Variants in SAMD12 observed in about 807,000 individuals in gnomAD.
SAMD12 encodes sterile alpha motif domain containing 12.
Under a neutral mutation model 15.0 loss-of-function variants are expected in SAMD12, and 9 were observed. The ratio of observed to expected loss-of-function variants is 0.60; its 90% CI spans 0.36 to 1.05. The LOEUF (loss-of-function observed/expected upper bound fraction) is 1.05, where lower values mean the gene tolerates loss of function less well. Among genes scored for constraint, SAMD12 ranks in the 50% least tolerant of loss-of-function variants. SAMD12 has a pLI of 0.01. For missense variants in SAMD12, 230 were observed against 234.2 expected (o/e 0.98, Z 0.12); for synonymous variants, 86 against 90.1 (o/e 0.96, Z 0.25).
intron 3 of SAMD12, among the ~76,000 whole-genome samples, chr8:118,405,019 A>T (rs1821059649): frequency 6.6e-6 from 1 of 152,118 alleles, no homozygotes; most frequent in Non-Finnish European, 1.5e-5. Context: ...ATTCATCTTA[A>T]AACTGTCTTA....
intron 2 of SAMD12, among the ~76,000 whole-genome samples, chr8:118,541,826 C>T (rs1315701626): frequency 1.3e-5 from 2 of 152,146 alleles, no homozygotes; most frequent in South Asian, 4.1e-4. Flanking sequence ...TGTGTTAACT[C>T]ATGTTGACTT....
chr8:118,224,208 A>C (rs1812139221), intron 4 of SAMD12, among the ~76,000 whole-genome samples: 1 of 152,168 alleles, frequency 6.6e-6, no homozygotes, highest in East Asian at 1.9e-4. Flanking sequence ...CACTGGTTGC[A>C]GGCTTTGGAA....
chr8:118,365,223 A>G (rs770425181), intron 4 of SAMD12, among the ~76,000 whole-genome samples: 11 of 152,130 alleles, frequency 7.2e-5, no homozygotes, highest in African/African-American at 1.2e-4. Flanking sequence ...CTCCTGGAAC[A>G]CACCAAACTT....
chr8:118,475,636 G>A (rs190230963), intron 2 of SAMD12, among the ~76,000 whole-genome samples: 6 of 152,194 alleles, frequency 3.9e-5, no homozygotes, highest in East Asian at 3.8e-4. Flanking sequence ...TCTGTACTCC[G>A]TGGTCTACTG....
chr8:118,325,960 T>C (rs1816544638), intron 4 of SAMD12, among the ~76,000 whole-genome samples: 1 of 152,146 alleles, frequency 6.6e-6, no homozygotes, highest in Non-Finnish European at 1.5e-5. Flanking sequence ...TTGGAAACAT[T>C]TTGCCAGCGC....
At chr8:118,191,791 TATATATATATATATATATATAGAG>T (rs1563686503) in exon 5 of SAMD12, 13 of 55,494 alleles carry the variant, frequency 2.3e-4, no homozygotes, top group African/African-American at 4.4e-4. Context: ...TATATATATA[TATATATATATATATATATATAGAG>T]AGAGAGAGAG....
chr8:118,304,543 A>T (rs1235333622), intron 4 of SAMD12, among the ~76,000 whole-genome samples: 1 of 151,598 alleles, frequency 6.6e-6, no homozygotes, highest in South Asian at 2.1e-4. Context: ...GTGGATCATG[A>T]GGTCAGGAGA....
chr8:118,521,763 C>T (rs1825394887), intron 2 of SAMD12, among the ~76,000 whole-genome samples: 1 of 152,150 alleles, frequency 6.6e-6, no homozygotes, highest in Non-Finnish European at 1.5e-5. Context: ...AAGCTTCTTT[C>T]TTCCCAGGTA....
chr8:118,173,998 T>G, the SAMD12 span, among the ~76,000 whole-genome samples: 960 of 152,280 alleles, frequency 6.3e-3, 17 homozygotes, highest in African/African-American at 0.021. Context: ...TTAAATAATA[T>G]TTTAGATGGA....
chr8:118,429,212 G>A (rs868441266), intron 3 of SAMD12, among the ~76,000 whole-genome samples: 1 of 152,122 alleles, frequency 6.6e-6, no homozygotes, highest in Non-Finnish European at 1.5e-5. Flanking sequence ...ATTAGTTCTT[G>A]TAGGATTTTT....
chr8:118,348,252 A>G (rs1396509849), intron 4 of SAMD12, among the ~76,000 whole-genome samples: 1 of 151,858 alleles, frequency 6.6e-6, no homozygotes, highest in African/African-American at 2.4e-5. Flanking sequence ...AAATTTTTGT[A>G]GAGACAGGGT....
rs142836541 is a variant in SAMD12, at chr8:118,244,222, G to A, written c.434-46490C>T. ...TTTAACTTTCCAAAAAACCCTTTGA[G>A]ATGGGTATTCTTGTTATCAATATTA... On this transcript the variant is annotated intron_variant, in intron 4 of 4. Coordinates refer to the SAMD12 transcript ENST00000409003. Among the ~76,000 whole-genome samples, 1,282 of 152,268 alleles carry A rather than the reference G, an allele frequency of 8.4e-3. 27 individuals carry two copies. Among genetic ancestry groups the A allele is most frequent in the African/African-American group, 0.029 (1,211 of 41,562 alleles).
At chr8:118,608,509 T>C (rs867148744) in intron 1 of SAMD12, among the ~76,000 whole-genome samples, 2 of 152,086 alleles carry the variant, frequency 1.3e-5, no homozygotes, top group Non-Finnish European at 2.9e-5. Flanking sequence ...ATCTGTGTTT[T>C]GTTTTTGTTT....
chr8:118,355,337 G>A (rs1213028396), intron 4 of SAMD12, among the ~76,000 whole-genome samples: 1 of 152,222 alleles, frequency 6.6e-6, no homozygotes, highest in Non-Finnish European at 1.5e-5. Context: ...GCTAAGCTAT[G>A]AGGATGCAAA....
the SAMD12 span, among the ~76,000 whole-genome samples, chr8:118,159,292 CA>C: frequency 6.6e-6 from 1 of 152,168 alleles, no homozygotes; most frequent in Non-Finnish European, 1.5e-5. Flanking sequence ...ACACCTAGTC[CA>C]GTTGCAGCCT....
rs566609906 is a variant in SAMD12, at chr8:118,356,510, A to G, written c.433+23050T>C. Among the ~76,000 whole-genome samples the G allele has an allele frequency of 2.8e-4, 43 of 152,278 alleles. 1 individual carries two copies. In the South Asian group the frequency reaches 6.6e-3, roughly 24 times the overall value. The stretch of plus-strand genomic sequence containing the variant: ...CTGCAGCTCAGGGAGGGAAGCACCC[A>G]CAGGATACTTTGAGCCTGCACTTTC... On this transcript the variant is annotated intron_variant, in intron 4 of 4. Coordinates refer to the SAMD12 transcript ENST00000409003.
intron 4 of SAMD12, among the ~76,000 whole-genome samples, chr8:118,368,878 C>T (rs1243818164): frequency 6.6e-6 from 1 of 152,194 alleles, no homozygotes; most frequent in Non-Finnish European, 1.5e-5. Flanking sequence ...TTTATACAGG[C>T]TTCCCTTTCT....
At chr8:118,292,349 G>GACACACACACACACACAT (rs1814429481) in intron 4 of SAMD12, among the ~76,000 whole-genome samples, 1 of 137,624 alleles carries the variant, frequency 7.3e-6, no homozygotes, top group Admixed American at 7.3e-5. Context: ...CAAACACACA[G>GACACACACACACACACAT]ACACACACAC....
At chr8:118,281,163 G>C (rs915236276) in intron 4 of SAMD12, among the ~76,000 whole-genome samples, 9 of 152,112 alleles carry the variant, frequency 5.9e-5, no homozygotes, top group Non-Finnish European at 1.2e-4. Flanking sequence ...TGTTATTCTG[G>C]AATTGAAAGG....
Sources: allele counts gnomAD v4.1 joint callset (sites outside exome capture counted in the v4.1 genomes callset), GRCh38; gene constraint gnomAD v4.1.1; transcripts MANE v1.5; gene names NCBI Gene and HGNC (gene_info 2026-07-23, HGNC 2026-07-21).